Variants in CCDC102B observed in about 807,000 individuals in gnomAD.
The protein encoded by CCDC102B is coiled-coil domain-containing protein 102B.
In CCDC102B, 75 loss-of-function variants were observed where a neutral mutation model predicts 57.4. The ratio of observed to expected loss-of-function variants is 1.31; its 90% CI spans 1.08 to 1.58. The LOEUF is 1.58. CCDC102B is among the 40% of genes most tolerant of loss of function. The pLI, the probability that CCDC102B is intolerant of heterozygous loss-of-function variation, is 0.00. For synonymous variants in CCDC102B, 206 were observed against 201.9 expected (o/e 1.02, Z -0.17); for missense variants, 636 against 582.6 (o/e 1.09, Z -0.94).
At chr18:68,834,817 T>C (rs2037296674) in intron 1 of CCDC102B, among the ~76,000 whole-genome samples, 1 of 151,978 alleles carries the variant, frequency 6.6e-6, no homozygotes, top group Non-Finnish European at 1.5e-5. Context: ...TAGTCTTTTT[T>C]TCCCAATGAT....
intron 2 of CCDC102B, among the ~76,000 whole-genome samples, chr18:68,779,609 G>A (rs747379732): frequency 5.3e-5 from 8 of 151,710 alleles, no homozygotes; most frequent in South Asian, 4.2e-4. Context: ...GAGTTCTTAC[G>A]GAATATAATT....
rs2036619288 is a variant in CCDC102B, at chr18:68,819,633, G to C, written c.-15-17116G>C. The stretch of plus-strand genomic sequence containing the variant: ...AATAAAATTTGTGAGATTTTGACTG[G>C]AATTATTGAATACATAGGTTGATTT... On this transcript the variant is annotated intron_variant, in intron 1 of 7. Transcript: ENST00000360242. Among the ~76,000 whole-genome samples the C allele has an allele frequency of 2.0e-5, 3 of 151,922 alleles. No individual in the cohort carries two copies. In the South Asian group the frequency reaches 6.2e-4, roughly 32 times the overall value.
intron 6 of CCDC102B, among the ~76,000 whole-genome samples, chr18:68,956,800 C>A (rs7238766): frequency 6.7e-6 from 1 of 149,908 alleles, no homozygotes; most frequent in African/African-American, 2.5e-5. Flanking sequence ...TATTGCCTGT[C>A]TTTTGGATAA....
intron 1 of CCDC102B, among the ~76,000 whole-genome samples, chr18:68,814,572 AG>A (rs1423901208): frequency 1.3e-4 from 20 of 152,172 alleles, no homozygotes; most frequent in Non-Finnish European, 2.5e-4. Flanking sequence ...GGAAAATTAA[AG>A]ATTAAAATAT....
At chr18:68,740,455 C>T (rs2033331843) in intron 2 of CCDC102B, among the ~76,000 whole-genome samples, 2 of 152,138 alleles carry the variant, frequency 1.3e-5, no homozygotes, top group Non-Finnish European at 2.9e-5. Context: ...ATTTGCAAGT[C>T]AAAGAAAGTT....
Position 69,054,715 on chromosome 18 carries a change from A to G in CCDC102B, c.*578A>G. Reference sequence around the variant, plus strand: ...TCAGAAAAAAGTGTTTTGTATTTTAAAGTAACAGATAACCAGTGATTGAAT... The same window carrying G: ...TCAGAAAAAAGTGTTTTGTATTTTAGAGTAACAGATAACCAGTGATTGAAT... On this transcript the variant is annotated 3_prime_UTR_variant, in exon 8 of 8. Coordinates refer to ENST00000360242, the MANE Select transcript of CCDC102B (RefSeq NM_024781.3). 2.0e-6 allele frequency: 2 copies of G among 985,002 alleles called. No individual in the cohort carries two copies. The highest frequency in any genetic ancestry group is 2.4e-6 in the Non-Finnish European group (2 of 829,594). The allele number at this position is 985,002 out of a possible 1,614,324, so 61.0% of individuals were successfully genotyped here. A position where few individuals can be genotyped will look rare whatever the true frequency, so the allele number is the denominator to read the frequency against.
chr18:68,976,553 TG>T (rs1253508647), intron 6 of CCDC102B, among the ~76,000 whole-genome samples: 1 of 152,016 alleles, frequency 6.6e-6, no homozygotes, highest in African/African-American at 2.4e-5. Context: ...TGTCGAATGT[TG>T]GCCACATTTT....
chr18:68,768,550 T>C (rs1035732318), intron 2 of CCDC102B, among the ~76,000 whole-genome samples: 1 of 152,180 alleles, frequency 6.6e-6, no homozygotes, highest in Non-Finnish European at 1.5e-5. Flanking sequence ...TTATAAATTA[T>C]TTAGCATGTA....
intron 5 of CCDC102B, among the ~76,000 whole-genome samples, chr18:68,889,959 T>C (rs1426387095): frequency 6.6e-6 from 1 of 152,194 alleles, no homozygotes; most frequent in Non-Finnish European, 1.5e-5. Flanking sequence ...TCCTGTACTT[T>C]CCTCGCAGCA....
chr18:68,984,265 A>G (rs2050667463), intron 6 of CCDC102B, among the ~76,000 whole-genome samples: 2 of 152,018 alleles, frequency 1.3e-5, no homozygotes, highest in South Asian at 4.1e-4. Context: ...TAGCCCCTAC[A>G]GTTTCAAAGT....
At chr18:68,925,917 A>G (rs1028102559) in intron 6 of CCDC102B, among the ~76,000 whole-genome samples, 8 of 151,856 alleles carry the variant, frequency 5.3e-5, no homozygotes, top group Non-Finnish European at 1.0e-4. Flanking sequence ...TTTTTTAAAG[A>G]AAACAATAAA....
At chr18:69,014,609 G>A (rs112657850) in intron 7 of CCDC102B, among the ~76,000 whole-genome samples, 1 of 151,794 alleles carries the variant, frequency 6.6e-6, no homozygotes, top group Non-Finnish European at 1.5e-5. Context: ...GTGTTGGGGG[G>A]GCGGGGTGGT....
At chr18:68,959,888 G>T (rs1378817476) in intron 6 of CCDC102B, among the ~76,000 whole-genome samples, 1 of 152,056 alleles carries the variant, frequency 6.6e-6, no homozygotes, top group Admixed American at 6.6e-5. Context: ...CTTCAGGGTA[G>T]TGGGCTCCCC....
At chr18:68,743,637 C>T (rs1423969367) in intron 2 of CCDC102B, among the ~76,000 whole-genome samples, 2 of 152,140 alleles carry the variant, frequency 1.3e-5, no homozygotes, top group African/African-American at 4.8e-5. Flanking sequence ...TAAAGCCTTG[C>T]AGGAGAATGC....
chr18:69,014,706 T>G (rs1271668157), intron 7 of CCDC102B, among the ~76,000 whole-genome samples: 1 of 151,978 alleles, frequency 6.6e-6, no homozygotes, highest in African/African-American at 2.4e-5. Flanking sequence ...GAGGTGTTTT[T>G]TTTGTGTGTG....
intron 5 of CCDC102B, among the ~76,000 whole-genome samples, chr18:68,882,633 G>T (rs2039733759): frequency 6.6e-6 from 1 of 152,080 alleles, no homozygotes; most frequent in Non-Finnish European, 1.5e-5. Flanking sequence ...TCATTTAAAC[G>T]TTTTTTCTCA....
At chr18:69,020,661 G>A (rs1441823538) in intron 7 of CCDC102B, among the ~76,000 whole-genome samples, 2 of 152,082 alleles carry the variant, frequency 1.3e-5, no homozygotes, top group Non-Finnish European at 1.5e-5. Flanking sequence ...GCACCAACCT[G>A]ATAATATCTA....
rs147909819 is a variant in CCDC102B at position 68,895,701 on chromosome 18, G to A, written c.1054-1518G>A. Among the ~76,000 whole-genome samples, 207 of 151,780 alleles carry A rather than the reference G, an allele frequency of 1.4e-3. 1 individual carries two copies. Among genetic ancestry groups the A allele is most frequent in the African/African-American group, 4.8e-3 (199 of 41,500 alleles). On this transcript the variant is annotated intron_variant, in intron 5 of 7. Transcript: ENST00000360242. ...CTACAATACCACAAATATGGTATTT[G>A]TGCTATTGTATTTATGGTATTATAT... is the stretch of plus-strand genomic sequence containing the variant.
At chr18:68,792,559 A>G (rs1223857991) in intron 2 of CCDC102B, among the ~76,000 whole-genome samples, 2 of 152,244 alleles carry the variant, frequency 1.3e-5, no homozygotes, top group Non-Finnish European at 2.9e-5. Context: ...GATAGCCTTA[A>G]TCCATCCCTT....
Sources: gnomAD v4.1 joint callset for allele counts (sites outside exome capture counted in the v4.1 genomes callset) on GRCh38, gnomAD v4.1.1 for gene constraint, MANE v1.5 for transcripts, NCBI Gene and HGNC (gene_info 2026-07-23, HGNC 2026-07-21) for gene names.